The following LRRIQ1 variants were observed in gnomAD, a reference collection of about 807,000 sequenced individuals.
The protein encoded by LRRIQ1 is leucine-rich repeat- and IQ domain-containing protein 1.
LRRIQ1 carries 210 observed loss-of-function variants against 211.9 expected under a neutral mutation model. The ratio of observed to expected loss-of-function variants is 0.99; its 90% CI spans 0.89 to 1.11. LRRIQ1 has a LOEUF of 1.11. Among genes scored for constraint, LRRIQ1 ranks in the 50% most tolerant of loss-of-function variants. The pLI is 0.00. For synonymous variants in LRRIQ1, 699 were observed against 650.1 expected, an observed-to-expected ratio of 1.08 and a Z score of -1.14; for missense variants, 2,136 against 1,939.5, an observed-to-expected ratio of 1.10 and a Z score of -1.90.
At chr12:85,044,970 C>A (rs1196876409) in intron 4 of LRRIQ1, among the ~76,000 whole-genome samples, 161 bp downstream of exon 4, 1 of 151,742 alleles carries the variant, frequency 6.6e-6, no homozygotes, top group Non-Finnish European at 1.5e-5. Flanking sequence ...TTTCTTCTGG[C>A]ATATGATATA....
chr12:85,260,734 G>A (rs936479807), intron 1 of LRRIQ1, among the ~76,000 whole-genome samples: 3 of 151,936 alleles, frequency 2.0e-5, no homozygotes, highest in African/African-American at 7.3e-5. Flanking sequence ...GCAAGATGAG[G>A]GTTTACTATT....
At chr12:85,126,257 C>A (rs180987799) in intron 17 of LRRIQ1, among the ~76,000 whole-genome samples, 1 of 152,178 alleles carries the variant, frequency 6.6e-6, no homozygotes, top group Admixed American at 6.5e-5. Context: ...TGATATTAGG[C>A]TGAGGAATTC....
intron 11 of LRRIQ1, among the ~76,000 whole-genome samples, chr12:85,097,120 T>A (rs1394588250): frequency 6.6e-6 from 1 of 152,168 alleles, no homozygotes; most frequent in Non-Finnish European, 1.5e-5. Flanking sequence ...CTTCTCAATT[T>A]GTGCCTTTTA....
chr12:85,141,061 A>G (rs1338121995), intron 19 of LRRIQ1, among the ~76,000 whole-genome samples: 4 of 151,426 alleles, frequency 2.6e-5, no homozygotes, highest in African/African-American at 9.6e-5. Context: ...AGGTTTTAGT[A>G]TCGTATTATG....
intron 20 of LRRIQ1, 93 bp from the exon 21 acceptor site, chr12:85,152,931 G>T: frequency 1.4e-6 from 1 of 735,364 alleles, no homozygotes; most frequent in Non-Finnish European, 2.1e-6. Flanking sequence ...TTTCCCTTAG[G>T]AGGCTATTTG....
intron 24 of LRRIQ1, among the ~76,000 whole-genome samples, chr12:85,178,228 T>C (rs1394361212): frequency 6.6e-6 from 1 of 152,018 alleles, no homozygotes; most frequent in Non-Finnish European, 1.5e-5. Flanking sequence ...CCATATTTAG[T>C]TATCTCCTGT....
chr12:85,236,829 G>GTATATATATA (rs1565921248), intron 26 of LRRIQ1, among the ~76,000 whole-genome samples: 2 of 60,454 alleles, frequency 3.3e-5, no homozygotes, highest in African/African-American at 3.3e-4. Flanking sequence ...GTGTATGTGT[G>GTATATATATA]CATATATATA....
At chr12:85,078,191 T>TGA (rs1883880586) in intron 11 of LRRIQ1, among the ~76,000 whole-genome samples, 1 of 152,188 alleles carries the variant, frequency 6.6e-6, no homozygotes, top group African/African-American at 2.4e-5. Flanking sequence ...TCTGAAGCCT[T>TGA]ATTTGGTCAC....
chr12:85,232,331 T>C (rs905592881), intron 25 of LRRIQ1, among the ~76,000 whole-genome samples: 1 of 152,104 alleles, frequency 6.6e-6, no homozygotes, highest in Admixed American at 6.6e-5. Flanking sequence ...AGTAGGAAAC[T>C]TTACTTTTTG....
chr12:85,250,235 G>A (rs1005060488), intron 1 of LRRIQ1, among the ~76,000 whole-genome samples: 3 of 151,666 alleles, frequency 2.0e-5, no homozygotes, highest in Non-Finnish European at 4.4e-5. Flanking sequence ...AAAGAAGCAG[G>A]GTAGAAGATT....
downstream of LRRIQ1, among the ~76,000 whole-genome samples, chr12:85,249,435 G>A (rs1292378083): frequency 6.6e-6 from 1 of 151,784 alleles, no homozygotes; most frequent in Non-Finnish European, 1.5e-5. Context: ...GTGTGCATCT[G>A]TGTGTATGTG....
At chr12:85,059,523 C>G (rs1034541616) in intron 8 of LRRIQ1, among the ~76,000 whole-genome samples, 1 of 151,920 alleles carries the variant, frequency 6.6e-6, no homozygotes, top group African/African-American at 2.4e-5. Context: ...CTTTATATTG[C>G]TAGCTTGGGA....
At chr12:85,079,936 C>T (rs1456088470) in intron 11 of LRRIQ1, among the ~76,000 whole-genome samples, 10 of 151,886 alleles carry the variant, frequency 6.6e-5, no homozygotes, top group African/African-American at 2.2e-4. Flanking sequence ...CTTTCCATTG[C>T]TCTTTATTTT....
intron 19 of LRRIQ1, among the ~76,000 whole-genome samples, chr12:85,144,313 A>G (rs1464750825): frequency 6.6e-6 from 1 of 151,626 alleles, no homozygotes; most frequent in Non-Finnish European, 1.5e-5. Flanking sequence ...AAGAGATAAG[A>G]TCCCTGACTT....
downstream of LRRIQ1, among the ~76,000 whole-genome samples, chr12:85,246,568 T>C (rs904996029): frequency 5.9e-5 from 9 of 151,502 alleles, no homozygotes; most frequent in African/African-American, 2.2e-4. Context: ...GTTTCAAATA[T>C]GCAAGTTTCA....
In LRRIQ1 at chr12:85,124,099, A is replaced by G. The variant is rs1888180079; in HGVS notation, c.3587A>G (p.Asn1196Ser). ...GDVFTLDTAENLCHYFKKLMI... is the reference protein window; with the variant it reads ...GDVFTLDTAESLCHYFKKLMI... Reference sequence around the variant, plus strand: ...GTATTTACCTTGGATACTGCAGAAAATCTCTGTCATTATTTTAAGAAATTG... The same window carrying G: ...GTATTTACCTTGGATACTGCAGAAAGTCTCTGTCATTATTTTAAGAAATTG... Residue 1196 changes from asparagine (N) to serine (S), a missense_variant, in exon 17 of 27, where the codon AAT (asparagine) becomes AGT (serine). Asn to Ser is a conservative substitution (Grantham distance 46, BLOSUM62 1). Transcript: ENST00000393217. 2 of 1,613,320 alleles carry G rather than the reference A, an allele frequency of 1.2e-6. No individual in the cohort carries two copies. Among genetic ancestry groups the G allele is most frequent in the Non-Finnish European group, 1.7e-6 (2 of 1,179,394 alleles).
At chr12:85,099,431 A>T (rs1886171816) in intron 13 of LRRIQ1, among the ~76,000 whole-genome samples, 1 of 151,812 alleles carries the variant, frequency 6.6e-6, no homozygotes, top group South Asian at 2.1e-4. Flanking sequence ...AACTGTTAGG[A>T]TGGATTTAAA....
In LRRIQ1 at chr12:85,044,813, T is replaced by G. The variant is rs202219190; in HGVS notation, c.336+4T>G. On this transcript the variant is annotated splice_donor_region_variant and intron_variant, in intron 4 of 26. Transcript: ENST00000393217. ...AAGTTCAGAGCAATTAATTAAGGTA[T>G]ATATTCAATATTTGACTTAAAATAT... The G allele has an allele frequency of 8.5e-6, 11 of 1,301,706 alleles. No individual in the cohort carries two copies. Among genetic ancestry groups the G allele is most frequent in the Admixed American group, 7.4e-5 (4 of 54,026 alleles). The allele number at this position is 1,301,706 out of a possible 1,614,324, so 80.6% of individuals were successfully genotyped here. A position where few individuals can be genotyped will look rare whatever the true frequency, so the allele number is the denominator to read the frequency against.
intron 15 of LRRIQ1, among the ~76,000 whole-genome samples, chr12:85,109,041 G>A (rs1235086304): frequency 1.3e-5 from 2 of 152,164 alleles, no homozygotes; most frequent in Middle Eastern, 3.4e-3. Context: ...GCCCTGATTT[G>A]GTTTCTCTGC....
Sources: allele counts gnomAD v4.1 joint callset (sites outside exome capture counted in the v4.1 genomes callset), GRCh38; gene constraint gnomAD v4.1.1; transcripts MANE v1.5; gene names NCBI Gene and HGNC (gene_info 2026-07-23, HGNC 2026-07-21).